Variants in CFAP410 observed in about 807,000 individuals in gnomAD.
CFAP410 encodes cilia and flagella associated protein 410, also known as cilia- and flagella-associated protein 410.
CFAP410 carries 27 observed loss-of-function variants against 25.7 expected under a neutral mutation model. That is an observed-to-expected ratio of 1.05 (90% confidence interval 0.77 to 1.45). The LOEUF (loss-of-function observed/expected upper bound fraction) is 1.45, where lower values mean the gene tolerates loss of function less well. Ranked by LOEUF, CFAP410 falls within the 40% of genes most tolerant of loss-of-function variation. The probability of loss-of-function intolerance (pLI) is 0.00; values close to 1 mark genes in which losing one functional copy is unlikely to be tolerated. For missense variants in CFAP410, 428 were observed against 354.1 expected (o/e 1.21, Z -1.67); for synonymous variants, 178 against 158.4 (o/e 1.12, Z -0.93).
chr21:44,331,892 AGCTGAGGGAGCTCAGTGT>A lies in CFAP410; in HGVS notation c.478_495del (p.Thr160_Ser165del). On this transcript the variant is annotated inframe_deletion, in exon 5 of 7. Transcript: ENST00000339818. ...GGGTCCCGGCCAGTCTCAGCAGCGG[AGCTGAGGGAGCTCAGTGT>A]GCAGCATAGCTTGGGGCCGCCGTGG... 6.2e-7 allele frequency: 1 copy of A among 1,612,716 alleles called. No homozygotes were observed. The highest frequency in any genetic ancestry group is 8.5e-7 in the Non-Finnish European group (1 of 1,179,752).
chr21:44,332,413 T>C (rs3761393), intron 4 of CFAP410: 154,048 of 178,498 alleles, frequency 0.86, 66,699 homozygotes, highest in African/African-American at 0.94. Context: ...TAGTGGTGTC[T>C]GTATACCTGA....
At chr21:44,335,404 CCAGGGCGGG>C (rs2047733311) in intron 3 of CFAP410, 2 of 311,916 alleles carry the variant, frequency 6.4e-6, no homozygotes, top group Non-Finnish European at 1.2e-5. Context: ...GTGGGGGCGG[CCAGGGCGGG>C]CCACCGTGAA....
intron 5 of CFAP410, 99 bp from the exon 6 acceptor site, chr21:44,331,018 GC>G: frequency 1.8e-6 from 2 of 1,120,300 alleles, no homozygotes; most frequent in Non-Finnish European, 2.5e-6. Context: ...CAAAGGAGGG[GC>G]TCATACAAAT....
In CFAP410 at chr21:44,335,925, G is replaced by A. The variant is rs62220411; in HGVS notation, c.97-121C>T. 0.18 allele frequency: 125,057 copies of A among 703,102 alleles called. 13,477 individuals carry two copies. Among genetic ancestry groups the A allele is most frequent in the East Asian group, 0.33 (12,077 of 36,870 alleles). 43.6% of individuals were successfully genotyped at this position (703,102 alleles called of 1,614,324 possible). On this transcript the variant is annotated intron_variant, in intron 2 of 6. Coordinates refer to ENST00000339818, the MANE Select transcript of CFAP410 (RefSeq NM_004928.3). Reference sequence around the variant, plus strand: ...CCCACTTCCGGGGCCTGAGGGGCACGGCCTTACTCAGCCAGTGTGCCCAGG... The same window carrying A: ...CCCACTTCCGGGGCCTGAGGGGCACAGCCTTACTCAGCCAGTGTGCCCAGG...
intron 3 of CFAP410, chr21:44,334,170 G>C: frequency 6.6e-6 from 3 of 456,314 alleles, no homozygotes; most frequent in South Asian, 3.1e-5. Flanking sequence ...TTCCTGCTCC[G>C]CTCCAGTGCA....
chr21:44,330,288 C>T lies in CFAP410; in HGVS notation c.681G>A (p.Leu227=), dbSNP rs1375198699. ...GCACGGCCTCCAGCCCCTCTGCATCCAGCTCCCGCAGCAGCAGCAGGATGG... is the reference window on the plus strand; with the variant it reads ...GCACGGCCTCCAGCCCCTCTGCATCTAGCTCCCGCAGCAGCAGCAGGATGG... The part of the protein sequence containing the change: ...LTAILLLLRE[L]DAEGLEAVQQ... Residue 227 remains leucine (L), a synonymous_variant, in exon 7 of 7, where the codon CTG becomes CTA. Coordinates refer to ENST00000339818, the MANE Select transcript of CFAP410 (RefSeq NM_004928.3). 6.2e-7 allele frequency: 1 copy of T among 1,609,930 alleles called. No homozygotes were observed. Among genetic ancestry groups the T allele is most frequent in the Non-Finnish European group, 8.5e-7 (1 of 1,179,060 alleles).
At chr21:44,336,081 G>A (rs1228719092) in intron 2 of CFAP410, among the ~76,000 whole-genome samples, 19 of 119,998 alleles carry the variant, frequency 1.6e-4, no homozygotes, top group Admixed American at 4.0e-4. Flanking sequence ...TGAGGGGAGC[G>A]GCCCTGCTCA....
rs1286043515 is a variant in CFAP410, at chr21:44,331,894, C to T, written c.494G>A (p.Ser165Asn). Residue 165 changes from serine to asparagine, a missense_variant, in exon 5 of 7, where the codon AGC becomes AAC. By Grantham distance (46) the Ser-to-Asn change is conservative (BLOSUM62 1). Transcript: ENST00000339818. ...GTCCCGGCCAGTCTCAGCAGCGGAG[C>T]TGAGGGAGCTCAGTGTGCAGCATAG... ...PKLCCTLSSL[S>N]SAAETGRDPL... The T allele has an allele frequency of 3.7e-6, 6 of 1,613,010 alleles. No homozygotes were observed. The East Asian group carries it at 1.1e-4, about 30-fold the overall frequency.
chr21:44,330,998 C>G, intron 5 of CFAP410, 79 bp from the exon 6 acceptor site: 1 of 1,284,804 alleles, frequency 7.8e-7, no homozygotes, highest in Non-Finnish European at 1.1e-6. Flanking sequence ...GTCTGCGGGT[C>G]GCATCCAAGC....
chr21:44,334,387 C>A, intron 3 of CFAP410: 1 of 413,158 alleles, frequency 2.4e-6, no homozygotes, highest in South Asian at 1.7e-5. Context: ...CCACAAGCTC[C>A]ACGTTTCCCT....
chr21:44,331,164 G>GT, intron 5 of CFAP410: 1 of 570,870 alleles, frequency 1.8e-6, no homozygotes, highest in Non-Finnish European at 3.1e-6. Flanking sequence ...CTCCCCAGCT[G>GT]TAACACCTTC....
chr21:44,331,160 A>G lies in CFAP410; in HGVS notation c.546-241T>C, dbSNP rs771452282. The G allele has an allele frequency of 5.2e-6, 3 of 576,028 alleles. No individual in the cohort carries two copies. The South Asian group carries it at 6.6e-5, about 13-fold the overall frequency. 35.7% of individuals were successfully genotyped at this position (576,028 alleles called of 1,614,324 possible). A position where few individuals can be genotyped will look rare whatever the true frequency, so the allele number is the denominator to read the frequency against. ...CCCTCCCGGCACCCTGGGGCTCCCC[A>G]GCTGTAACACCTTCCACCCAGGGCT... On this transcript the variant is annotated intron_variant, in intron 5 of 6. Transcript: ENST00000339818.
rs750809604 is a variant in CFAP410 at position 44,333,071 on chromosome 21, A to G, written c.335T>C (p.Leu112Pro). 3 of 1,607,362 alleles carry G rather than the reference A, an allele frequency of 1.9e-6. No individual in the cohort carries two copies. The highest frequency in any genetic ancestry group is 1.1e-5 in the South Asian group (1 of 90,500). The part of the protein sequence containing the change: ...TSPHRYRMTV[L>P]RTLPRLQKLD... The stretch of plus-strand genomic sequence containing the variant: ...CTTCTGTAGGCGCGGCAGGGTGCGC[A>G]GCACGGTCATGCGGTAGCGGTGGGG... The change falls in exon 4 of 7, where the codon CTG becomes CCG. Residue 112 changes from leucine to proline, a missense_variant. By Grantham distance (98) the Leu-to-Pro change is moderately conservative (BLOSUM62 -3). Transcript: ENST00000339818.
At chr21:44,334,659 C>A (rs1257545903) in intron 3 of CFAP410, 4 of 268,894 alleles carry the variant, frequency 1.5e-5, no homozygotes, top group Admixed American at 1.0e-4. Context: ...AACTGAGGCA[C>A]AGAGAGGGCC....
In CFAP410 at chr21:44,330,561, C is replaced by T. The variant is rs376270382; in HGVS notation, c.643-235G>A. 1,055 of 1,549,348 alleles carry T rather than the reference C, an allele frequency of 6.8e-4. 4 individuals carry two copies. The African/African-American group carries it at 9.0e-3, about 13-fold the overall frequency. On this transcript the variant is annotated intron_variant, in intron 6 of 6. Coordinates refer to ENST00000339818, the MANE Select transcript of CFAP410 (RefSeq NM_004928.3). Reference sequence around the variant, plus strand: ...CTGTTGCCCTCAGCCCAGCAGGGCCCGGGCCCACATTCCACAGACCAGGAC... The same window carrying T: ...CTGTTGCCCTCAGCCCAGCAGGGCCTGGGCCCACATTCCACAGACCAGGAC...
rs1048786706 is a variant in CFAP410 at position 44,337,072 on chromosome 21, G to C, written c.96+577C>G. On this transcript the variant is annotated intron_variant, in intron 2 of 6. Coordinates refer to ENST00000339818, the MANE Select transcript of CFAP410 (RefSeq NM_004928.3). ...TGTACTCCAGCCTGGGCAACAGAGA[G>C]AGACTCCGTGTAAAAAAAAAAAAAA... 2.8e-5 allele frequency among the ~76,000 whole-genome samples: 4 copies of C among 143,816 alleles called. No homozygotes were observed. The Admixed American group carries it at 2.8e-4, about 10-fold the overall frequency. 94.3% of individuals were successfully genotyped at this position (143,816 alleles called of 152,430 possible).
At chr21:44,338,137 T>C (rs995838251) in intron 1 of CFAP410, 28 of 494,504 alleles carry the variant, frequency 5.7e-5, no homozygotes, top group Non-Finnish European at 8.4e-5. Flanking sequence ...AACAAAGAAA[T>C]GCATTATTGA....
At chr21:44,331,780 C>T in intron 5 of CFAP410, 63 bp downstream of exon 5, 1 of 1,529,828 alleles carries the variant, frequency 6.5e-7, no homozygotes, top group Non-Finnish European at 8.8e-7. Context: ...CCATTCACTC[C>T]CCGTGGGAGG....
chr21:44,333,845 C>A (rs1401271976), intron 3 of CFAP410: 3 of 352,064 alleles, frequency 8.5e-6, no homozygotes, highest in South Asian at 2.1e-5. Flanking sequence ...CCTCCACAAG[C>A]GAACACGCGG....
Sources: gnomAD v4.1 joint callset for allele counts (sites outside exome capture counted in the v4.1 genomes callset) on GRCh38, gnomAD v4.1.1 for gene constraint, MANE v1.5 for transcripts, NCBI Gene and HGNC (gene_info 2026-07-23, HGNC 2026-07-21) for gene names.